Variants in ZNF804A observed in about 807,000 individuals in gnomAD.
ZNF804A encodes zinc finger protein 804A.
In ZNF804A, 2 loss-of-function variants were observed where a neutral mutation model predicts 16.5. The observed-to-expected ratio is 0.12, with a 90% CI of 0.05 to 0.38. The LOEUF (loss-of-function observed/expected upper bound fraction) is 0.38. ZNF804A is among the 10% of genes least tolerant of loss of function. ZNF804A has a pLI of 0.99. For missense variants in ZNF804A, 1,473 were observed against 1,390.7 expected (o/e 1.06, Z -0.94); for synonymous variants, 534 against 489.6 (o/e 1.09, Z -1.20).
intron 1 of ZNF804A, among the ~76,000 whole-genome samples, chr2:184,850,320 A>G (rs1451291765): frequency 6.6e-6 from 1 of 151,908 alleles, no homozygotes; most frequent in Non-Finnish European, 1.5e-5. Flanking sequence ...CTATATCAAA[A>G]CATCATGTGT....
At chr2:184,766,544 A>G (rs574132281) in intron 1 of ZNF804A, among the ~76,000 whole-genome samples, 27 of 151,940 alleles carry the variant, frequency 1.8e-4, no homozygotes, top group African/African-American at 6.0e-4. Flanking sequence ...AACTAATAAG[A>G]TTATCCAACA....
chr2:184,663,080 C>T (rs1163092455), intron 1 of ZNF804A, among the ~76,000 whole-genome samples: 1 of 152,148 alleles, frequency 6.6e-6, no homozygotes, highest in Non-Finnish European at 1.5e-5. Context: ...GGAGGCATGG[C>T]CAAGGCTGCA....
chr2:184,681,743 G>C (rs930891764), intron 1 of ZNF804A, among the ~76,000 whole-genome samples: 5 of 152,226 alleles, frequency 3.3e-5, no homozygotes, highest in Admixed American at 2.0e-4. Context: ...CCAGGAACAG[G>C]AGGGAGTCCC....
intron 2 of ZNF804A, among the ~76,000 whole-genome samples, chr2:184,883,452 C>G (rs1684839802): frequency 6.6e-6 from 1 of 152,026 alleles, no homozygotes; most frequent in Non-Finnish European, 1.5e-5. Context: ...GATATCAAAA[C>G]CTGGCAGAGA....
intron 1 of ZNF804A, among the ~76,000 whole-genome samples, chr2:184,677,679 C>A (rs1037182105): frequency 3.3e-5 from 5 of 151,846 alleles, no homozygotes; most frequent in Non-Finnish European, 7.4e-5. Flanking sequence ...TATTTAAGAA[C>A]AAAATCACTG....
At chr2:184,930,830 C>A (rs1685686222) in intron 2 of ZNF804A, among the ~76,000 whole-genome samples, 1 of 152,162 alleles carries the variant, frequency 6.6e-6, no homozygotes, top group Admixed American at 6.6e-5. Flanking sequence ...TTTATTAAAA[C>A]TTTATCCAAT....
chr2:184,647,177 G>A (rs900525869), intron 1 of ZNF804A, among the ~76,000 whole-genome samples: 1 of 152,206 alleles, frequency 6.6e-6, no homozygotes, highest in African/African-American at 2.4e-5. Flanking sequence ...CCCCTAGGAA[G>A]GAGGAGATAG....
chr2:184,756,421 C>G (rs1693959996), intron 1 of ZNF804A, among the ~76,000 whole-genome samples: 1 of 151,852 alleles, frequency 6.6e-6, no homozygotes, highest in Non-Finnish European at 1.5e-5. Flanking sequence ...GTTTCTGTAA[C>G]TAAAGAATTT....
At chr2:184,731,719 G>T (rs961511549) in intron 1 of ZNF804A, among the ~76,000 whole-genome samples, 8 of 151,620 alleles carry the variant, frequency 5.3e-5, no homozygotes, top group Non-Finnish European at 1.2e-4. Flanking sequence ...ACAGGCATGC[G>T]CCACACTACC....
intron 1 of ZNF804A, among the ~76,000 whole-genome samples, chr2:184,749,375 C>G (rs1413058555): frequency 6.6e-6 from 1 of 151,170 alleles, no homozygotes; most frequent in Admixed American, 6.6e-5. Flanking sequence ...TGGCCTTCAG[C>G]TTGGATGTTA....
intron 1 of ZNF804A, among the ~76,000 whole-genome samples, chr2:184,698,260 T>C (rs1001113649): frequency 6.6e-6 from 1 of 152,094 alleles, no homozygotes; most frequent in African/African-American, 2.4e-5. Context: ...TCAACCATTA[T>C]AAAAGGTTGA....
intron 2 of ZNF804A, among the ~76,000 whole-genome samples, chr2:184,893,065 A>G (rs1685013417): frequency 6.6e-6 from 1 of 152,152 alleles, no homozygotes; most frequent in Non-Finnish European, 1.5e-5. Context: ...AACACTCTGT[A>G]AAATATGCTG....
chr2:184,644,534 C>T (rs542499772), intron 1 of ZNF804A, among the ~76,000 whole-genome samples: 48 of 151,808 alleles, frequency 3.2e-4, no homozygotes, highest in African/African-American at 1.2e-3. Flanking sequence ...TTCAAATTTT[C>T]TGTTTCTCAA....
Position 184,938,362 on chromosome 2 carries a change from C to A in ZNF804A, c.2966C>A (p.Thr989Asn), listed in dbSNP as rs764514125. The A allele has an allele frequency of 6.2e-7, 1 of 1,614,144 alleles. No individual in the cohort carries two copies. Among genetic ancestry groups the A allele is most frequent in the Non-Finnish European group, 8.5e-7 (1 of 1,180,018 alleles). Residue 989 changes from threonine (T) to asparagine (N), a missense_variant, in exon 4 of 4, where the codon ACT becomes AAT. Thr to Asn is a moderately conservative substitution (Grantham distance 65). Coordinates refer to ENST00000302277, the MANE Select transcript of ZNF804A (RefSeq NM_194250.2). ...CAAGGAAAGATGAATGAGACACCAACTGAGTGGCTGCGTTATAATTCAGGA... is the reference window on the plus strand; with the variant it reads ...CAAGGAAAGATGAATGAGACACCAAATGAGTGGCTGCGTTATAATTCAGGA... The part of the protein sequence containing the change: ...LPQGKMNETP[T>N]EWLRYNSGIL...
At chr2:184,669,410 C>G (rs530455288) in intron 1 of ZNF804A, among the ~76,000 whole-genome samples, 5 of 152,072 alleles carry the variant, frequency 3.3e-5, no homozygotes, top group East Asian at 3.9e-4. Flanking sequence ...GCCGTAGTTC[C>G]TTAGAAAAAT....
intron 1 of ZNF804A, among the ~76,000 whole-genome samples, chr2:184,690,974 C>G (rs889941634): frequency 6.6e-6 from 1 of 151,794 alleles, no homozygotes; most frequent in African/African-American, 2.4e-5. Context: ...CAAAAAAATT[C>G]ACAATAATTT....
At chr2:184,730,683 A>G (rs757845514) in intron 1 of ZNF804A, among the ~76,000 whole-genome samples, 17 of 152,056 alleles carry the variant, frequency 1.1e-4, no homozygotes, top group African/African-American at 3.1e-4. Flanking sequence ...TGTTTCCTCC[A>G]TATCTTCTTG....
chr2:184,816,126 G>A (rs1694979292), intron 1 of ZNF804A, among the ~76,000 whole-genome samples: 1 of 152,046 alleles, frequency 6.6e-6, no homozygotes, highest in African/African-American at 2.4e-5. Context: ...AGACTCCAGA[G>A]ATTCCTTAAT....
intron 1 of ZNF804A, among the ~76,000 whole-genome samples, chr2:184,818,221 C>T: frequency 6.6e-6 from 1 of 151,890 alleles, no homozygotes; most frequent in Non-Finnish European, 1.5e-5. Context: ...CAGCAGAAAC[C>T]TTACAATCCA....
Sources: gnomAD v4.1 joint callset for allele counts (sites outside exome capture counted in the v4.1 genomes callset) on GRCh38, gnomAD v4.1.1 for gene constraint, MANE v1.5 for transcripts, NCBI Gene and HGNC (gene_info 2026-07-23, HGNC 2026-07-21) for gene names.